The following PCDH15 variants were observed in gnomAD, a reference collection of about 807,000 sequenced individuals.
PCDH15 encodes the protein protocadherin-15.
In PCDH15, 129 loss-of-function variants were observed where a neutral mutation model predicts 178.5. The ratio of observed to expected loss-of-function variants is 0.72; its 90% CI spans 0.63 to 0.84. The LOEUF (loss-of-function observed/expected upper bound fraction) is 0.84. Among genes scored for constraint, PCDH15 ranks in the 40% least tolerant of loss-of-function variants. PCDH15 has a pLI of 0.00. For missense variants in PCDH15, 2,230 were observed against 2,099.9 expected, an observed-to-expected ratio of 1.06 and a Z score of -1.21; for synonymous variants, 800 against 732.0, an observed-to-expected ratio of 1.09 and a Z score of -1.50.
At chr10:54,908,253 T>G (rs192832943) in intron 2 of PCDH15, among the ~76,000 whole-genome samples, 1 of 152,184 alleles carries the variant, frequency 6.6e-6, no homozygotes, top group Non-Finnish European at 1.5e-5. Context: ...TCAGTTATAG[T>G]GCATAGCCAG....
At chr10:54,900,362 A>G (rs79843210) in intron 2 of PCDH15, among the ~76,000 whole-genome samples, 10,875 of 152,256 alleles carry the variant, frequency 0.071, 469 homozygotes, top group South Asian at 0.11. Flanking sequence ...GCTGAAACTT[A>G]TAATATTTAA....
intron 2 of PCDH15, among the ~76,000 whole-genome samples, chr10:54,555,383 C>T (rs1218609246): frequency 2.0e-5 from 3 of 152,020 alleles, no homozygotes; most frequent in Non-Finnish European, 4.4e-5. Context: ...CCTATGTAAA[C>T]AGAATTGCTA....
At chr10:55,087,969 C>T (rs2247162) in intron 2 of PCDH15, among the ~76,000 whole-genome samples, 69,210 of 151,944 alleles carry the variant, frequency 0.46, 19,651 homozygotes, top group African/African-American at 0.8. Flanking sequence ...ACATGTGCAT[C>T]ATAATTTATA....
chr10:54,623,522 T>A (rs1250311544), intron 2 of PCDH15, among the ~76,000 whole-genome samples: 6 of 152,100 alleles, frequency 3.9e-5, no homozygotes, highest in Admixed American at 1.3e-4. Flanking sequence ...TGTTCTAACA[T>A]TGGTACTGAT....
At chr10:55,600,973 C>A (rs1194036397) in intron 2 of PCDH15, among the ~76,000 whole-genome samples, 2 of 151,940 alleles carry the variant, frequency 1.3e-5, no homozygotes, top group Admixed American at 6.6e-5. Flanking sequence ...GGTAGTTTCC[C>A]ACCTCACTTG....
chr10:55,549,055 C>T (rs1841950311), intron 2 of PCDH15, among the ~76,000 whole-genome samples: 1 of 152,108 alleles, frequency 6.6e-6, no homozygotes, highest in South Asian at 2.1e-4. Flanking sequence ...GGATAACACA[C>T]ATTTCAATCA....
chr10:53,928,449 A>G (rs1418242898), intron 25 of PCDH15, among the ~76,000 whole-genome samples: 1 of 152,090 alleles, frequency 6.6e-6, no homozygotes, highest in African/African-American at 2.4e-5. Flanking sequence ...TGATTATATT[A>G]CAACAGAATG....
At chr10:55,120,125 A>G (rs1837728400) in intron 2 of PCDH15, among the ~76,000 whole-genome samples, 2 of 152,160 alleles carry the variant, frequency 1.3e-5, no homozygotes, top group South Asian at 4.1e-4. Flanking sequence ...AACAGAGGAA[A>G]CAGGGACAAG....
At chr10:53,890,532 CTT>C (rs1288688357) in intron 26 of PCDH15, among the ~76,000 whole-genome samples, 1 of 152,176 alleles carries the variant, frequency 6.6e-6, no homozygotes, top group Admixed American at 6.5e-5. Context: ...GCCTCACTGA[CTT>C]TTGTCCTTTT....
chr10:54,782,495 C>T (rs776555869), intron 1 of PCDH15, among the ~76,000 whole-genome samples: 2 of 152,072 alleles, frequency 1.3e-5, no homozygotes, highest in Non-Finnish European at 2.9e-5. Flanking sequence ...AAGTACTAAC[C>T]TACCAAATCT....
At chr10:55,172,600 A>T (rs1007153732) in intron 1 of PCDH15, among the ~76,000 whole-genome samples, 4 of 152,060 alleles carry the variant, frequency 2.6e-5, no homozygotes, top group Non-Finnish European at 5.9e-5. Context: ...AGCATGCTAC[A>T]ATAACTCCAT....
At chr10:54,708,230 A>C (rs375842068) in intron 1 of PCDH15, among the ~76,000 whole-genome samples, 10 of 152,312 alleles carry the variant, frequency 6.6e-5, no homozygotes, top group South Asian at 4.1e-4. Context: ...GCTAAATAGA[A>C]GTGGAATAAG....
chr10:53,856,039 C>A (rs1246858643), intron 28 of PCDH15, among the ~76,000 whole-genome samples: 1 of 150,596 alleles, frequency 6.6e-6, no homozygotes, highest in Non-Finnish European at 1.5e-5. Context: ...AAAAAACAAA[C>A]ATCATATGTT....
chr10:54,760,150 A>T (rs931345658), intron 1 of PCDH15, among the ~76,000 whole-genome samples: 1 of 152,208 alleles, frequency 6.6e-6, no homozygotes, highest in African/African-American at 2.4e-5. Context: ...TAAAATGTTG[A>T]CAACCTTAAT....
chr10:53,963,796 G>A (rs2134327001), intron 21 of PCDH15, among the ~76,000 whole-genome samples: 1 of 152,156 alleles, frequency 6.6e-6, no homozygotes, highest in Non-Finnish European at 1.5e-5. Context: ...ATACCTCAAT[G>A]AGTATAGGCC....
chr10:55,513,612 C>T (rs1037386119), intron 2 of PCDH15, among the ~76,000 whole-genome samples: 7 of 151,952 alleles, frequency 4.6e-5, no homozygotes, highest in Non-Finnish European at 8.8e-5. Context: ...AATTTAATCA[C>T]AAATAAGCAT....
Position 53,822,043 on chromosome 10 carries a change from A to C in PCDH15, c.4368-1813T>G, listed in dbSNP as rs759950014. 6.2e-7 allele frequency: 1 copy of C among 1,613,812 alleles called. No homozygotes were observed. The highest frequency in any genetic ancestry group is 1.3e-5 in the African/African-American group (1 of 74,894). On this transcript the variant is annotated intron_variant, in intron 32 of 37. Coordinates refer to ENST00000644397, the MANE Select transcript of PCDH15 (RefSeq NM_001384140.1). ...ATTTGACTGTACATGTTAGCTACTGATTTTTCAAGTTCTGCTAAGTTTTTA... is the reference window on the plus strand; with the variant it reads ...ATTTGACTGTACATGTTAGCTACTGCTTTTTCAAGTTCTGCTAAGTTTTTA...
At chr10:54,429,600 T>C (rs375304038) in intron 3 of PCDH15, among the ~76,000 whole-genome samples, 9 of 152,056 alleles carry the variant, frequency 5.9e-5, no homozygotes, top group Non-Finnish European at 8.8e-5. Context: ...ACATTTCTCC[T>C]ATAAAGACAC....
In PCDH15 at chr10:53,822,473, A is replaced by G. The variant is rs1393186965; in HGVS notation, c.4368-2243T>C. The G allele has an allele frequency of 6.8e-6, 11 of 1,606,870 alleles. No homozygotes were observed. The highest frequency in any genetic ancestry group is 9.3e-6 in the Non-Finnish European group (11 of 1,176,654). The stretch of plus-strand genomic sequence containing the variant: ...GAGGAGGAGAAGGAGGAGAAATAGG[A>G]GGAGGAGGGGGAAGGGGACAGGCAG... On this transcript the variant is annotated intron_variant, in intron 32 of 37. Transcript: ENST00000644397.
Sources: gnomAD v4.1 joint callset for allele counts (sites outside exome capture counted in the v4.1 genomes callset) on GRCh38, gnomAD v4.1.1 for gene constraint, MANE v1.5 for transcripts, NCBI Gene and HGNC (gene_info 2026-07-23, HGNC 2026-07-21) for gene names.